Variants in LANCL3 observed in about 807,000 individuals in gnomAD.
LANCL3 encodes LanC like family member 3, also known as lanC-like protein 3.
LANCL3 carries 19 observed loss-of-function variants against 26.5 expected under a neutral mutation model. The observed-to-expected ratio is 0.72, with a 90% CI of 0.50 to 1.05. The LOEUF is 1.05. LANCL3 is among the 50% of genes least tolerant of loss of function. The pLI is 0.00. For missense variants in LANCL3, 318 were observed against 362.7 expected (o/e 0.88, Z 1.00); for synonymous variants, 160 against 166.6 (o/e 0.96, Z 0.30).
intron 1 of LANCL3, among the ~76,000 whole-genome samples, chrX:37,633,173 C>G (rs1365939263): frequency 9.5e-6 from 1 of 104,891 alleles, no homozygotes; most frequent in Admixed American, 1.0e-4. Context: ...ATTCTTTTTT[C>G]TCTAAACTTC....
intron 1 of LANCL3, 92 bp from the exon 2 acceptor site, chrX:37,655,596 A>G: frequency 2.8e-6 from 2 of 725,482 alleles, no homozygotes; most frequent in East Asian, 7.4e-5. Flanking sequence ...GATTCTGTGG[A>G]TATGATGCTA....
intron 1 of LANCL3, among the ~76,000 whole-genome samples, chrX:37,644,492 A>G (rs1374519231): frequency 1.8e-5 from 2 of 111,940 alleles, no homozygotes; most frequent in Non-Finnish European, 3.8e-5. Context: ...AGTCCAGTGC[A>G]CTGTCTGCTG....
intron 1 of LANCL3, among the ~76,000 whole-genome samples, chrX:37,581,626 T>C (rs1556417038): frequency 8.9e-6 from 1 of 111,894 alleles, no homozygotes; most frequent in Admixed American, 9.5e-5. Flanking sequence ...TAAATCAATT[T>C]AAACTTAAAA....
chrX:37,585,334 C>G (rs1924034264), intron 1 of LANCL3, among the ~76,000 whole-genome samples: 1 of 111,194 alleles, frequency 9.0e-6, no homozygotes, highest in Admixed American at 9.5e-5. Context: ...GAGCTGAGTT[C>G]AATTCCTGGG....
chrX:37,620,691 C>T (rs375497695), intron 1 of LANCL3, among the ~76,000 whole-genome samples: 5 of 111,681 alleles, frequency 4.5e-5, no homozygotes, highest in Non-Finnish European at 7.5e-5. Context: ...TCTTACTTTC[C>T]GTTGCCCCAG....
At chrX:37,612,766 C>T (rs782463896) in intron 1 of LANCL3, among the ~76,000 whole-genome samples, 1 of 111,776 alleles carries the variant, frequency 8.9e-6, no homozygotes, top group Non-Finnish European at 1.9e-5. Flanking sequence ...TCAAGAGTTT[C>T]ACTGTCTAGT....
At chrX:37,574,094 A>T (rs1261959477) in intron 1 of LANCL3, among the ~76,000 whole-genome samples, 1 of 107,294 alleles carries the variant, frequency 9.3e-6, no homozygotes, top group Non-Finnish European at 1.9e-5. Context: ...CACCACCAAC[A>T]AAAACAGGTC....
In LANCL3 at chrX:37,678,806, A is replaced by C. The variant is rs1166233486; in HGVS notation, c.*2993A>C. 3 of 111,269 alleles carry C rather than the reference A, an allele frequency of 2.7e-5. No homozygotes were observed. Among genetic ancestry groups the C allele is most frequent in the Non-Finnish European group, 5.7e-5 (3 of 52,975 alleles). The allele number at this position is 111,269 out of a possible 1,213,427, so 9.2% of individuals were successfully genotyped here. ...AGATAACAGTATTTGCTTACTGATAACTTGAGAAACAGTCATTTTCTTGGT... is the reference window on the plus strand; with the variant it reads ...AGATAACAGTATTTGCTTACTGATACCTTGAGAAACAGTCATTTTCTTGGT... On this transcript the variant is annotated 3_prime_UTR_variant, in exon 5 of 5. Transcript: ENST00000378619.
intron 3 of LANCL3, among the ~76,000 whole-genome samples, chrX:37,663,835 G>A (rs1489381242): frequency 9.0e-6 from 1 of 111,444 alleles, no homozygotes; most frequent in Non-Finnish European, 1.9e-5. Flanking sequence ...TAGAATTAGA[G>A]CTTGGTATCA....
intron 1 of LANCL3, among the ~76,000 whole-genome samples, chrX:37,611,623 T>G (rs1924873903): frequency 8.9e-6 from 1 of 111,872 alleles, no homozygotes; most frequent in African/African-American, 3.3e-5. Context: ...GTTTTTAAAG[T>G]GAAGCTCCCA....
chrX:37,673,275 T>G (rs1164488878), intron 4 of LANCL3, among the ~76,000 whole-genome samples: 1 of 111,598 alleles, frequency 9.0e-6, no homozygotes, highest in African/African-American at 3.2e-5. Context: ...AACTGGCTCC[T>G]GGTTTTGCTT....
chrX:37,655,601 A>G (rs1926263341), intron 1 of LANCL3, 87 bp from the exon 2 acceptor site: 1 of 786,549 alleles, frequency 1.3e-6, no homozygotes, highest in Non-Finnish European at 1.8e-6. Flanking sequence ...TGTGGATATG[A>G]TGCTAGACTT....
chrX:37,641,826 C>A (rs1925871577), intron 1 of LANCL3, among the ~76,000 whole-genome samples: 1 of 111,855 alleles, frequency 8.9e-6, no homozygotes, highest in Admixed American at 9.5e-5. Context: ...ATAGGTAGTA[C>A]ATAATAGAGT....
intron 1 of LANCL3, among the ~76,000 whole-genome samples, chrX:37,609,323 G>C (rs1556420859): frequency 8.9e-6 from 1 of 111,745 alleles, no homozygotes; most frequent in Non-Finnish European, 1.9e-5. Flanking sequence ...TTTGGGAGAA[G>C]GGGAGAATAA....
intron 1 of LANCL3, among the ~76,000 whole-genome samples, chrX:37,599,308 T>G (rs184819869): frequency 8.1e-4 from 91 of 112,679 alleles, no homozygotes; most frequent in African/African-American, 2.9e-3. Flanking sequence ...TCTTCACCAA[T>G]GATAGTTTGA....
At chrX:37,586,491 C>T (rs1450266072) in intron 1 of LANCL3, among the ~76,000 whole-genome samples, 2 of 111,582 alleles carry the variant, frequency 1.8e-5, no homozygotes, top group Admixed American at 9.6e-5. Flanking sequence ...AGGCTTTGTT[C>T]GTTTCTTTTT....
At chrX:37,622,940 A>G (rs1285254508) in intron 1 of LANCL3, among the ~76,000 whole-genome samples, 1 of 112,686 alleles carries the variant, frequency 8.9e-6, no homozygotes, top group African/African-American at 3.2e-5. Flanking sequence ...TTTTGAGGAT[A>G]TAAGAAATTC....
At chrX:37,619,231 A>G (rs1407946275) in intron 1 of LANCL3, among the ~76,000 whole-genome samples, 1 of 112,051 alleles carries the variant, frequency 8.9e-6, no homozygotes, top group African/African-American at 3.2e-5. Context: ...AAATTATCAC[A>G]ATTATTACCA....
intron 1 of LANCL3, among the ~76,000 whole-genome samples, chrX:37,644,959 C>G (rs1248732576): frequency 1.8e-5 from 2 of 112,186 alleles, no homozygotes; most frequent in Non-Finnish European, 3.8e-5. Context: ...ACGTTGGGAA[C>G]TGCTTTTTCA....
Sources: allele counts gnomAD v4.1 joint callset (sites outside exome capture counted in the v4.1 genomes callset), GRCh38; gene constraint gnomAD v4.1.1; transcripts MANE v1.5; gene names NCBI Gene and HGNC (gene_info 2026-07-23, HGNC 2026-07-21).